SHISA9: variants seen among roughly 807,000 people sequenced by gnomAD.
SHISA9 encodes protein shisa-9.
Under a neutral mutation model 38.0 loss-of-function variants are expected in SHISA9, and 13 were observed. The observed-to-expected ratio is 0.34, with a 90% CI of 0.22 to 0.54. The LOEUF (loss-of-function observed/expected upper bound fraction) is 0.54. Among genes scored for constraint, SHISA9 ranks in the 20% least tolerant of loss-of-function variants. The probability of loss-of-function intolerance (pLI) is 0.91; values close to 1 mark genes in which losing one functional copy is unlikely to be tolerated. For synonymous variants in SHISA9, 275 were observed against 242.0 expected (o/e 1.14, Z -1.27); for missense variants, 538 against 575.8 (o/e 0.93, Z 0.67).
intron 2 of SHISA9, among the ~76,000 whole-genome samples, chr16:12,991,882 A>T (rs561245532): frequency 2.0e-5 from 3 of 152,244 alleles, no homozygotes; most frequent in East Asian, 3.9e-4. Context: ...TTAGAAAAAA[A>T]ATATATCCTT....
chr16:13,127,215 AAG>A (rs887047686), intron 2 of SHISA9, among the ~76,000 whole-genome samples: 2 of 113,474 alleles, frequency 1.8e-5, no homozygotes, highest in African/African-American at 6.9e-5. Flanking sequence ...GAGAGAGGGA[AAG>A]AGAGGGAGGG....
the SHISA9 span, among the ~76,000 whole-genome samples, chr16:13,321,234 G>A: frequency 2.0e-5 from 3 of 152,198 alleles, no homozygotes; most frequent in African/African-American, 7.2e-5. Context: ...TGTTACACTA[G>A]CAGACTCTAG....
chr16:13,356,966 G>C, the SHISA9 span, among the ~76,000 whole-genome samples: 1 of 152,174 alleles, frequency 6.6e-6, no homozygotes, highest in East Asian at 1.9e-4. Flanking sequence ...GGTCAGGTGT[G>C]AGTTGAAGAG....
At chr16:13,467,000 C>T in the SHISA9 span, among the ~76,000 whole-genome samples, 1 of 152,122 alleles carries the variant, frequency 6.6e-6, no homozygotes, top group African/African-American at 2.4e-5. Flanking sequence ...GAATTATGAC[C>T]TTGTTATGAT....
chr16:13,459,325 G>A, the SHISA9 span, among the ~76,000 whole-genome samples: 2 of 152,044 alleles, frequency 1.3e-5, no homozygotes, highest in Admixed American at 6.5e-5. Context: ...CTCTTCCTCT[G>A]GTGACATGGG....
chr16:12,991,256 G>T (rs947065429), intron 2 of SHISA9, among the ~76,000 whole-genome samples: 2 of 152,086 alleles, frequency 1.3e-5, no homozygotes, highest in African/African-American at 4.8e-5. Context: ...TTCCCTTTCA[G>T]ATCTTTTTTT....
chr16:13,078,844 G>A (rs1245863260), intron 2 of SHISA9, among the ~76,000 whole-genome samples: 1 of 152,148 alleles, frequency 6.6e-6, no homozygotes, highest in Non-Finnish European at 1.5e-5. Context: ...GCAACCTGAT[G>A]GTGGAGATGC....
chr16:13,098,644 C>T (rs1055554610), intron 2 of SHISA9, among the ~76,000 whole-genome samples: 2 of 152,212 alleles, frequency 1.3e-5, no homozygotes, highest in African/African-American at 4.8e-5. Flanking sequence ...TGAGTGGTTT[C>T]TGGAGGCTGC....
the SHISA9 span, chr16:13,562,675 A>G: frequency 4.0e-5 from 6 of 151,890 alleles, 1 homozygote; most frequent in African/African-American, 7.2e-5. Flanking sequence ...TGAAATTCCA[A>G]TTCAACTACG....
chr16:13,466,801 T>C, the SHISA9 span, among the ~76,000 whole-genome samples: 1 of 152,324 alleles, frequency 6.6e-6, no homozygotes, highest in South Asian at 2.1e-4. Flanking sequence ...CATTGTTAAT[T>C]TTACATTATA....
At chr16:13,393,863 C>A in the SHISA9 span, among the ~76,000 whole-genome samples, 1 of 152,208 alleles carries the variant, frequency 6.6e-6, no homozygotes, top group Non-Finnish European at 1.5e-5. Flanking sequence ...CCTTGAAATC[C>A]TGGCATAGGT....
chr16:13,026,378 T>C (rs79979008), intron 2 of SHISA9, among the ~76,000 whole-genome samples: 1 of 152,230 alleles, frequency 6.6e-6, no homozygotes, highest in Non-Finnish European at 1.5e-5. Flanking sequence ...TCAAGTCTTA[T>C]CTATGTGTCT....
intron 4 of SHISA9, among the ~76,000 whole-genome samples, chr16:13,214,670 G>A (rs2051150725): frequency 6.6e-6 from 1 of 152,212 alleles, no homozygotes; most frequent in Admixed American, 6.5e-5. Context: ...AGTTCCACGT[G>A]GCTGGGGAAG....
At chr16:12,905,178 A>G (rs1271832112) in intron 1 of SHISA9, among the ~76,000 whole-genome samples, 1 of 152,204 alleles carries the variant, frequency 6.6e-6, no homozygotes, top group South Asian at 2.1e-4. Flanking sequence ...AGTTCTCACA[A>G]CTATCTTATG....
chr16:13,208,712 G>T (rs1323986792), intron 3 of SHISA9, among the ~76,000 whole-genome samples: 5 of 152,142 alleles, frequency 3.3e-5, no homozygotes, highest in Admixed American at 6.5e-5. Flanking sequence ...TACCAGAAGG[G>T]ATGATGACTT....
At chr16:13,035,269 T>C (rs1399304802) in intron 2 of SHISA9, among the ~76,000 whole-genome samples, 1 of 152,222 alleles carries the variant, frequency 6.6e-6, no homozygotes, top group African/African-American at 2.4e-5. Context: ...GCACTAGCTC[T>C]ATTTTTTGTA....
intron 2 of SHISA9, among the ~76,000 whole-genome samples, chr16:13,090,975 C>G (rs1567209104): frequency 6.6e-6 from 1 of 152,114 alleles, no homozygotes; most frequent in Non-Finnish European, 1.5e-5. Flanking sequence ...TCCTTCAAAA[C>G]CCTTGTAAGG....
At chr16:12,962,081 G>C (rs1006866167) in intron 2 of SHISA9, among the ~76,000 whole-genome samples, 1 of 152,252 alleles carries the variant, frequency 6.6e-6, no homozygotes, top group African/African-American at 2.4e-5. Context: ...TGCTTGGCCC[G>C]TCTTGCCTGC....
At chr16:13,255,892 G>T in the SHISA9 span, among the ~76,000 whole-genome samples, 1 of 152,074 alleles carries the variant, frequency 6.6e-6, no homozygotes, top group Non-Finnish European at 1.5e-5. Flanking sequence ...ATTTTTCTCA[G>T]CTCACTCTCC....
Sources: gnomAD v4.1 joint callset for allele counts (sites outside exome capture counted in the v4.1 genomes callset) on GRCh38, gnomAD v4.1.1 for gene constraint, MANE v1.5 for transcripts, NCBI Gene and HGNC (gene_info 2026-07-23, HGNC 2026-07-21) for gene names.